Variants in PEX5 observed in about 807,000 individuals in gnomAD.
PEX5 encodes the protein PTS1 receptor.
Under a neutral mutation model 82.9 loss-of-function variants are expected in PEX5, and 52 were observed. The observed-to-expected ratio is 0.63, with a 90% confidence interval of 0.50 to 0.79. The LOEUF is 0.79. Among genes scored for constraint, PEX5 ranks in the 30% least tolerant of loss-of-function variants. The pLI is 0.00. For missense variants in PEX5, 719 were observed against 815.2 expected (o/e 0.88, Z 1.44); for synonymous variants, 300 against 318.8 (o/e 0.94, Z 0.63).
Position 7,203,455 on chromosome 12 carries a change from G to T in PEX5, c.870G>T (p.Lys290Asn). 1.2e-6 allele frequency: 2 copies of T among 1,613,938 alleles called. No individual in the cohort carries two copies. Among genetic ancestry groups the T allele is most frequent in the South Asian group, 2.2e-5 (2 of 91,012 alleles). The change falls in exon 10 of 16, where the codon AAG (lysine) becomes AAT (asparagine). Residue 290 changes from lysine (K) to asparagine (N), a missense_variant. Coordinates refer to ENST00000675855, the MANE Select transcript of PEX5 (RefSeq NM_001351132.2). ...AIESDVDFWD[K>N]LQAELEEMAK... ...AGTCTGATGTCGATTTCTGGGACAA[G>T]TTGCAGGCAGAGTTGGAGGAGATGG...
In PEX5 at chr12:7,209,680, C is replaced by T; in HGVS notation, c.1561-3C>T. On this transcript the variant is annotated splice_polypyrimidine_tract_variant and splice_region_variant and intron_variant, in intron 14 of 15. Coordinates refer to ENST00000675855, the MANE Select transcript of PEX5 (RefSeq NM_001351132.2). Reference sequence around the variant, plus strand: ...TCCCATCCGTTCTGCATCCCTATCCCAGGACTATTTGCTGTGGAATAAGCT... The same window carrying T: ...TCCCATCCGTTCTGCATCCCTATCCTAGGACTATTTGCTGTGGAATAAGCT... The T allele has an allele frequency of 9.0e-7, 1 of 1,106,486 alleles. No homozygotes were observed. The highest frequency in any genetic ancestry group is 1.1e-6 in the Non-Finnish European group (1 of 897,972). 68.5% of individuals were successfully genotyped at this position (1,106,486 alleles called of 1,614,324 possible).
At chr12:7,203,036 TA>T (rs1424185381) in intron 9 of PEX5, among the ~76,000 whole-genome samples, 1 of 152,058 alleles carries the variant, frequency 6.6e-6, no homozygotes, top group Non-Finnish European at 1.5e-5. Context: ...CGCATGCCTG[TA>T]ATCCCAGCTA....
chr12:7,210,233 G>A lies in PEX5; in HGVS notation c.*10G>A, dbSNP rs368359968. ...TGGCCTGCCCCAGTGACAGTGGGAC[G>A]GGCTGCCCTGTGAGTGTCCACCTGG... On this transcript the variant is annotated 3_prime_UTR_variant, in exon 16 of 16. Transcript: ENST00000675855. 7.4e-6 allele frequency: 12 copies of A among 1,611,314 alleles called. No homozygotes were observed. The highest frequency in any genetic ancestry group is 1.7e-5 in the Admixed American group (1 of 60,028).
chr12:7,212,591 C>T (rs949025528), downstream of PEX5, among the ~76,000 whole-genome samples: 5 of 151,718 alleles, frequency 3.3e-5, no homozygotes, highest in Non-Finnish European at 2.9e-5. Context: ...GAATAATTTC[C>T]AGTGACAATA....
Position 7,198,640 on chromosome 12 carries a change from T to G in PEX5, c.449-371T>G, listed in dbSNP as rs751341569. Among the ~76,000 whole-genome samples, 11 of 152,290 alleles carry G rather than the reference T, an allele frequency of 7.2e-5. No individual in the cohort carries two copies. The South Asian group carries it at 2.1e-3, about 29-fold the overall frequency. On this transcript the variant is annotated intron_variant, in intron 5 of 15. Coordinates refer to ENST00000675855, the MANE Select transcript of PEX5 (RefSeq NM_001351132.2). ...AGGAGCCCTTCTGTGCTCCCTTCACTCCTTACTGGCTCCCTGCTGTACTTC... is the reference window on the plus strand; with the variant it reads ...AGGAGCCCTTCTGTGCTCCCTTCACGCCTTACTGGCTCCCTGCTGTACTTC...
intron 7 of PEX5, 71 bp downstream of exon 7, chr12:7,201,912 C>T: frequency 9.0e-7 from 1 of 1,113,554 alleles, no homozygotes; most frequent in South Asian, 1.2e-5. Flanking sequence ...GCTTTTCTTA[C>T]CCCAGTTTAG....
rs1313777992 is a variant in PEX5, at chr12:7,201,810, A to G, written c.611A>G (p.Lys204Arg). 1 of 1,613,766 alleles carries G rather than the reference A, an allele frequency of 6.2e-7. No homozygotes were observed. Among genetic ancestry groups the G allele is most frequent in the East Asian group, 2.2e-5 (1 of 44,900 alleles). Residue 204 changes from lysine to arginine, a missense_variant, in exon 7 of 16, where the codon AAA (lysine) becomes AGA (arginine). By Grantham distance (26) the Lys-to-Arg change is conservative (BLOSUM62 2). Transcript: ENST00000675855. Reference protein sequence around the residue: ...LQHTASDFVAKVDDPKLANSE... With the variant: ...LQHTASDFVARVDDPKLANSE... ...CACACGGCCAGTGACTTTGTGGCCA[A>G]AGTGGATGACCCCAAATTGGCTAAT... is the stretch of plus-strand genomic sequence containing the variant.
At chr12:7,192,934 C>T (rs1235486534) in intron 5 of PEX5, among the ~76,000 whole-genome samples, 1 of 152,198 alleles carries the variant, frequency 6.6e-6, no homozygotes, top group East Asian at 1.9e-4. Context: ...AGAAAAATCC[C>T]AAATCTAAAA....
chr12:7,211,846 C>G (rs4329748), downstream of PEX5, among the ~76,000 whole-genome samples: 1 of 151,892 alleles, frequency 6.6e-6, no homozygotes, highest in African/African-American at 2.4e-5. Context: ...GGAACTGTAT[C>G]AAGTGCCATA....
In PEX5 at chr12:7,191,571, C is replaced by T; in HGVS notation, c.319C>T (p.Pro107Ser). 6.2e-7 allele frequency: 1 copy of T among 1,613,964 alleles called. No homozygotes were observed. The highest frequency in any genetic ancestry group is 8.5e-7 in the Non-Finnish European group (1 of 1,179,966). ...GTTTTCTCTCTCTCTCTTTTAAGCC[C>T]CTGGTGTGGCAGACTTGGCCTTGTC... ...SNFRQAPQRA[P>S]GVADLALSEN... The change falls in exon 5 of 16, where the codon CCT becomes TCT. Residue 107 changes from proline to serine, a missense_variant and splice_region_variant. Coordinates refer to ENST00000675855, the MANE Select transcript of PEX5 (RefSeq NM_001351132.2).
At chr12:7,217,936 T>C (rs1945824924) in intron 17 of PEX5, among the ~76,000 whole-genome samples, 1 of 152,226 alleles carries the variant, frequency 6.6e-6, no homozygotes. Flanking sequence ...CCCTTTGTGG[T>C]GGTCAGCAAG....
intron 5 of PEX5, among the ~76,000 whole-genome samples, chr12:7,198,700 T>A (rs889332450): frequency 2.6e-5 from 4 of 152,224 alleles, no homozygotes; most frequent in Non-Finnish European, 5.9e-5. Flanking sequence ...TTCCTATTTC[T>A]TATTGAAATA....
At chr12:7,198,559 G>T (rs754341221) in intron 5 of PEX5, among the ~76,000 whole-genome samples, 1 of 152,096 alleles carries the variant, frequency 6.6e-6, no homozygotes, top group South Asian at 2.1e-4. Context: ...TCCTTTGGCC[G>T]GGATTGTGTG....
chr12:7,215,290 CTGTT>C (rs1203450641), downstream of PEX5, among the ~76,000 whole-genome samples: 2 of 152,168 alleles, frequency 1.3e-5, no homozygotes, highest in Non-Finnish European at 2.9e-5. Flanking sequence ...GACTTATACT[CTGTT>C]GGTGGGAGTG....
intron 5 of PEX5, among the ~76,000 whole-genome samples, chr12:7,192,238 G>A (rs1046453040): frequency 2.6e-5 from 4 of 152,182 alleles, no homozygotes; most frequent in Middle Eastern, 3.2e-3. Context: ...GAACCCTAGA[G>A]GTAGTTACTG....
chr12:7,196,264 CAT>C (rs1257992971), intron 5 of PEX5, among the ~76,000 whole-genome samples: 1 of 15,326 alleles, frequency 6.5e-5, no homozygotes, highest in African/African-American at 1.4e-4. Flanking sequence ...TTATATATGT[CAT>C]AATTTATATA....
intron 5 of PEX5, among the ~76,000 whole-genome samples, chr12:7,197,348 C>T (rs984717148): frequency 7.4e-6 from 1 of 134,504 alleles, no homozygotes; most frequent in Non-Finnish European, 1.5e-5. Context: ...TTATATATGT[C>T]ATATACAATG....
At chr12:7,199,209 C>CTTT (rs5796268) in intron 6 of PEX5, 96 bp downstream of exon 6, 4,079 of 393,898 alleles carry the variant, frequency 0.01, 21 homozygotes, top group Middle Eastern at 0.013. Flanking sequence ...TTACTTTATT[C>CTTT]TTTTTTTTTT....
intron 5 of PEX5, among the ~76,000 whole-genome samples, chr12:7,195,564 A>C (rs1941927855): frequency 6.6e-6 from 1 of 150,446 alleles, no homozygotes; most frequent in Non-Finnish European, 1.5e-5. Context: ...ATCTATTGTT[A>C]AGTCCTCATG....
Sources: gnomAD v4.1 joint callset for allele counts (sites outside exome capture counted in the v4.1 genomes callset) on GRCh38, gnomAD v4.1.1 for gene constraint, MANE v1.5 for transcripts, NCBI Gene and HGNC (gene_info 2026-07-23, HGNC 2026-07-21) for gene names.